Variants in JAK1 observed in about 807,000 individuals in gnomAD.
JAK1 encodes Janus kinase 1, also known as tyrosine-protein kinase JAK1.
Under a neutral mutation model 136.6 loss-of-function variants are expected in JAK1, and 16 were observed. The observed-to-expected ratio is 0.12, with a 90% CI of 0.08 to 0.18. JAK1 has a LOEUF of 0.18. Ranked by LOEUF, JAK1 falls within the 10% of genes least tolerant of loss-of-function variation. The pLI, the probability that JAK1 is intolerant of heterozygous loss-of-function variation, is 1.00. For missense variants in JAK1, 859 were observed against 1,450.1 expected (o/e 0.59, Z 6.62); for synonymous variants, 492 against 519.5 (o/e 0.95, Z 0.72).
At chr1:64,841,116 A>C in intron 19 of JAK1, 129 bp downstream of exon 19, 1 of 688,542 alleles carries the variant, frequency 1.5e-6, no homozygotes, top group South Asian at 1.8e-5. Flanking sequence ...CAAATGCAGT[A>C]AGGTGCTTTC....
At chr1:64,878,593 A>G (rs1040625596) in intron 4 of JAK1, among the ~76,000 whole-genome samples, 1 of 128,966 alleles carries the variant, frequency 7.8e-6, no homozygotes, top group South Asian at 2.5e-4. Context: ...ATATATATAT[A>G]TATATATATA....
At position 64,883,347 on chromosome 1, in the gene JAK1, C is replaced by A; in HGVS notation, c.135G>T (p.Arg45Ser). 1.2e-6 allele frequency: 2 copies of A among 1,614,190 alleles called. No homozygotes were observed. Among genetic ancestry groups the A allele is most frequent in the South Asian group, 2.2e-5 (2 of 91,086 alleles). The change falls in exon 3 of 25, where the codon AGG (arginine) becomes AGT (serine). Residue 45 changes from arginine to serine, a missense_variant. Arg to Ser is a moderately radical substitution (Grantham distance 110, BLOSUM62 -1). This residue lies in a region of JAK1 where 353 missense variants were observed against 494.0 expected (regional missense o/e 0.71). Transcript: ENST00000342505. ...CTCCACTGCCCAGCCGGAGGGGCTCCCTGTCCGACAGATAGAAGATCACTT... is the reference window on the plus strand; with the variant it reads ...CTCCACTGCCCAGCCGGAGGGGCTCACTGTCCGACAGATAGAAGATCACTT... ...GVEVIFYLSDREPLRLGSGEY... is the reference protein window; with the variant it reads ...GVEVIFYLSDSEPLRLGSGEY...
At chr1:65,067,510 G>C (rs1648122595) in intron 1 of JAK1, 2 of 145,570 alleles carry the variant, frequency 1.4e-5, no homozygotes, top group South Asian at 1.9e-4. Context: ...CCCGAGCCTC[G>C]CGCGGCCGCA....
chr1:65,033,764 T>A (rs1647046386), intron 2 of JAK1, among the ~76,000 whole-genome samples: 1 of 149,776 alleles, frequency 6.7e-6, no homozygotes, highest in South Asian at 2.1e-4. Flanking sequence ...CCGTATAGTA[T>A]GTAGTGTAAG....
At chr1:64,978,033 A>C (rs1646512406) in intron 2 of JAK1, among the ~76,000 whole-genome samples, 1 of 152,176 alleles carries the variant, frequency 6.6e-6, no homozygotes, top group Non-Finnish European at 1.5e-5. Context: ...TAACCCCAAC[A>C]CTTTGGGAGG....
intron 8 of JAK1, among the ~76,000 whole-genome samples, chr1:64,862,770 G>A (rs945324861): frequency 3.3e-5 from 5 of 152,208 alleles, no homozygotes; most frequent in Admixed American, 1.3e-4. Flanking sequence ...GGATGATAAC[G>A]CCTTAGAAGC....
intron 2 of JAK1, among the ~76,000 whole-genome samples, chr1:65,027,709 T>C (rs1461360715): frequency 1.3e-5 from 2 of 152,112 alleles, no homozygotes; most frequent in Admixed American, 6.5e-5. Context: ...GCTCTGGAAA[T>C]GTCCTGGTCA....
At chr1:65,017,678 C>G (rs1646901826) in intron 2 of JAK1, among the ~76,000 whole-genome samples, 1 of 152,058 alleles carries the variant, frequency 6.6e-6, no homozygotes, top group Non-Finnish European at 1.5e-5. Flanking sequence ...GTTTTCTGAC[C>G]TAAAGTGATC....
At position 64,982,281 on chromosome 1, in the gene JAK1, T is replaced by C. The variant is rs143474015; in HGVS notation, c.-78+62199A>G. On this transcript the variant is annotated intron_variant, in intron 2 of 25. Transcript: ENST00000671954. ...ACTCAGGTCTGACATTCAGATGAGT[T>C]GGGCAGGTGTCTTTTAACTGAGTTA... is the stretch of plus-strand genomic sequence containing the variant. Among the ~76,000 whole-genome samples, 54 of 152,326 alleles carry C rather than the reference T, an allele frequency of 3.5e-4. 1 individual carries two copies. The East Asian group carries it at 9.3e-3, about 26-fold the overall frequency.
Position 64,855,497 on chromosome 1 carries a change from A to G in JAK1, c.1648+12T>C, listed in dbSNP as rs1655868505. On this transcript the variant is annotated intron_variant, in intron 11 of 24. Coordinates refer to ENST00000342505, the MANE Select transcript of JAK1 (RefSeq NM_002227.4). Reference sequence around the variant, plus strand: ...ATGGGATACAGCCTGGCTCTGGCACAGGGAGACGAACCTCGGGGCTTGGGC... The same window carrying G: ...ATGGGATACAGCCTGGCTCTGGCACGGGGAGACGAACCTCGGGGCTTGGGC... The G allele has an allele frequency of 3.1e-6, 5 of 1,612,826 alleles. No individual in the cohort carries two copies. The East Asian group carries it at 1.1e-4, about 36-fold the overall frequency.
intron 2 of JAK1, chr1:64,985,083 C>T: frequency 1.1e-6 from 1 of 926,166 alleles, no homozygotes; most frequent in Non-Finnish European, 1.8e-6. Context: ...CCCTCCAAGG[C>T]CTATCATATG....
At chr1:64,941,752 C>T (rs1645893433) in intron 1 of JAK1, among the ~76,000 whole-genome samples, 1 of 152,192 alleles carries the variant, frequency 6.6e-6, no homozygotes, top group African/African-American at 2.4e-5. Context: ...CAACATGAAT[C>T]CAGGTACTTG....
At chr1:64,849,249 G>C (rs565200389) in intron 12 of JAK1, among the ~76,000 whole-genome samples, 1 of 152,208 alleles carries the variant, frequency 6.6e-6, no homozygotes, top group African/African-American at 2.4e-5. Flanking sequence ...GAGTGCAGCA[G>C]CACAATCATA....
At chr1:64,932,534 C>G (rs1466257791) in intron 1 of JAK1, among the ~76,000 whole-genome samples, 5 of 152,306 alleles carry the variant, frequency 3.3e-5, no homozygotes, top group Admixed American at 6.5e-5. Context: ...CTCACTCTTG[C>G]ATCCAACAAA....
rs576263524 is a variant in JAK1, at chr1:64,849,222, G to A, written c.1756-1547C>T. On this transcript the variant is annotated intron_variant, in intron 12 of 24. Coordinates refer to ENST00000342505, the MANE Select transcript of JAK1 (RefSeq NM_002227.4). ...TTTTTTTTTCCCCAGACAGGGTCTC[G>A]CTCTAACACCTGGCGGGAGTGCAGC... Among the ~76,000 whole-genome samples, 10 of 151,860 alleles carry A rather than the reference G, an allele frequency of 6.6e-5. No homozygotes were observed. The East Asian group carries it at 9.7e-4, about 15-fold the overall frequency.
intron 1 of JAK1, among the ~76,000 whole-genome samples, chr1:64,893,707 G>T (rs997471760): frequency 6.6e-6 from 1 of 152,110 alleles, no homozygotes; most frequent in Non-Finnish European, 1.5e-5. Context: ...ACTGAAAAAA[G>T]AAACAAATAA....
intron 2 of JAK1, among the ~76,000 whole-genome samples, chr1:65,037,034 TA>T: frequency 6.6e-6 from 1 of 152,202 alleles, no homozygotes. Context: ...AAAAATTTAA[TA>T]ATTAGCAGGG....
At chr1:64,918,840 G>GA (rs900625678) in intron 1 of JAK1, among the ~76,000 whole-genome samples, 12 of 151,542 alleles carry the variant, frequency 7.9e-5, no homozygotes, top group South Asian at 2.1e-4. Context: ...ACTGAAACTT[G>GA]AAAAAAAATC....
chr1:64,947,522 A>C (rs1646008427), intron 1 of JAK1, among the ~76,000 whole-genome samples: 1 of 152,216 alleles, frequency 6.6e-6, no homozygotes, highest in Non-Finnish European at 1.5e-5. Context: ...AGGAAGCAGA[A>C]TAGCAGGATT....
Sources: allele counts gnomAD v4.1 joint callset (sites outside exome capture counted in the v4.1 genomes callset), GRCh38; gene constraint gnomAD v4.1.1; regional missense constraint gnomAD v4.1.1; transcripts MANE v1.5; gene names NCBI Gene and HGNC (gene_info 2026-07-23, HGNC 2026-07-21).